Variants in HAPLN3 observed in about 807,000 individuals in gnomAD.
HAPLN3 encodes the protein extracellular link domain containing, 1.
A neutral mutation model predicts 28.1 loss-of-function variants in HAPLN3; 28 were observed. That is an observed-to-expected ratio of 1.00 (90% confidence interval 0.74 to 1.37). The LOEUF (loss-of-function observed/expected upper bound fraction) is 1.37, where lower values mean the gene tolerates loss of function less well. Among genes scored for constraint, HAPLN3 ranks in the 40% most tolerant of loss-of-function variants. The pLI, the probability that HAPLN3 is intolerant of heterozygous loss-of-function variation, is 0.00. For synonymous variants in HAPLN3, 211 were observed against 213.1 expected (o/e 0.99, Z 0.09); for missense variants, 513 against 504.6 (o/e 1.02, Z -0.16).
At position 88,879,559 on chromosome 15, in the gene HAPLN3, C is replaced by T; in HGVS notation, c.494-290G>A. ...CCTAATCCGCAAGGCTGTCGCCAGACCCCCAGTGAGGCTGTGCCATCTTCT... is the reference window on the plus strand; with the variant it reads ...CCTAATCCGCAAGGCTGTCGCCAGATCCCCAGTGAGGCTGTGCCATCTTCT... On this transcript the variant is annotated intron_variant, in intron 3 of 4. Transcript: ENST00000359595. This position sits in a 1 kb window ranked among gnomAD's most constrained non-coding sequence, Gnocchi z 5.0. 7.2e-7 allele frequency: 1 copy of T among 1,398,078 alleles called. No homozygotes were observed. Among genetic ancestry groups the T allele is most frequent in the Non-Finnish European group, 9.5e-7 (1 of 1,058,190 alleles). 86.6% of individuals were successfully genotyped at this position (1,398,078 alleles called of 1,614,324 possible).
rs1897655386 is a variant in HAPLN3 at position 88,880,055 on chromosome 15, A to T, written c.494-786T>A. On this transcript the variant is annotated intron_variant, in intron 3 of 4. Transcript: ENST00000359595. This position sits in a 1 kb window ranked among gnomAD's most constrained non-coding sequence, Gnocchi z 6.0. The stretch of plus-strand genomic sequence containing the variant: ...GAACAGCCTGAGCCCCAAACCTCCG[A>T]TCTCACCAGGGCCGGAAGCCAGGCA... 2 of 994,096 alleles carry T rather than the reference A, an allele frequency of 2.0e-6. No homozygotes were observed. Among genetic ancestry groups the T allele is most frequent in the Non-Finnish European group, 2.4e-6 (2 of 835,422 alleles). 61.6% of individuals were successfully genotyped at this position (994,096 alleles called of 1,614,324 possible).
At chr15:88,882,537 A>C (rs555404771) in intron 2 of HAPLN3, among the ~76,000 whole-genome samples, 1 of 152,316 alleles carries the variant, frequency 6.6e-6, no homozygotes, top group East Asian at 1.9e-4. Context: ...AGAACTTCTA[A>C]AGGAGACTAC....
At chr15:88,882,768 CCAGGA>C (rs1478595523) in intron 2 of HAPLN3, among the ~76,000 whole-genome samples, 2 of 152,122 alleles carry the variant, frequency 1.3e-5, no homozygotes, top group Non-Finnish European at 2.9e-5. Context: ...CTTTGAGAGG[CCAGGA>C]CAGGAGGATC....
rs1897672917 is a variant in HAPLN3, at chr15:88,880,707, GT to G, written c.493+649del. On this transcript the variant is annotated intron_variant, in intron 3 of 4. Coordinates refer to ENST00000359595, the MANE Select transcript of HAPLN3 (RefSeq NM_178232.4). This position sits in a 1 kb window ranked among gnomAD's most constrained non-coding sequence, Gnocchi z 6.0. ...GTGTGGCTGGTTTGGACAGCACTGGGTTTTTGTTTTTGGTTTTGGGGGGGCT... is the reference window on the plus strand; with the variant it reads ...GTGTGGCTGGTTTGGACAGCACTGGGTTTTGTTTTTGGTTTTGGGGGGGCT... 13 of 631,520 alleles carry G rather than the reference GT, an allele frequency of 2.1e-5. No individual in the cohort carries two copies. The highest frequency in any genetic ancestry group is 2.7e-5 in the Non-Finnish European group (12 of 450,726). 39.1% of individuals were successfully genotyped at this position (631,520 alleles called of 1,614,324 possible). A position where few individuals can be genotyped will look rare whatever the true frequency, so the allele number is the denominator to read the frequency against.
intron 2 of HAPLN3, among the ~76,000 whole-genome samples, chr15:88,886,369 G>T (rs1439321034): frequency 6.9e-6 from 1 of 143,942 alleles, no homozygotes; most frequent in African/African-American, 2.7e-5. Context: ...AAAAAAAAAG[G>T]TATATTTTCA....
intron 2 of HAPLN3, among the ~76,000 whole-genome samples, chr15:88,886,520 T>A (rs1369451478): frequency 6.6e-6 from 1 of 151,546 alleles, no homozygotes; most frequent in Non-Finnish European, 1.5e-5. Context: ...TAGTAAGAGG[T>A]AGAATTATAA....
Position 88,888,368 on chromosome 15 carries a change from G to A in HAPLN3, c.-47-1023C>T, listed in dbSNP as rs1897923780. Among the ~76,000 whole-genome samples the A allele has an allele frequency of 1.3e-5, 2 of 152,252 alleles. No homozygotes were observed. The highest frequency in any genetic ancestry group is 4.1e-4 in the South Asian group (2 of 4,824). On this transcript the variant is annotated intron_variant, in intron 1 of 4. Transcript: ENST00000359595. The surrounding 1 kb of genome is among the most constrained non-coding windows in gnomAD (Gnocchi z 4.1). ...GGCCTCCCAAAGTGCTGAGATTACA[G>A]GCATAAGCCACTGCGCCCAACTCAA... is the stretch of plus-strand genomic sequence containing the variant.
Position 88,879,121 on chromosome 15 carries a change from C to CAG in HAPLN3, c.641_642insCT (p.Gly215TrpfsTer64). 1 of 1,613,324 alleles carries CAG rather than the reference C, an allele frequency of 6.2e-7. No homozygotes were observed. The highest frequency in any genetic ancestry group is 8.5e-7 in the Non-Finnish European group (1 of 1,179,778). ...GCACCGTGGCATCCTGCAGCCAGCCCGCGTTGCACCAGTCCAGGCCCTCCT... is the reference window on the plus strand; with the variant it reads ...GCACCGTGGCATCCTGCAGCCAGCCCAGGCGTTGCACCAGTCCAGGCCCTCCT... On this transcript the variant is annotated frameshift_variant, in exon 4 of 5. Transcript: ENST00000359595. LOFTEE classifies it high-confidence loss of function. This position sits in a 1 kb window ranked among gnomAD's most constrained non-coding sequence, Gnocchi z 5.0.
chr15:88,886,001 G>A (rs1459377021), intron 2 of HAPLN3, among the ~76,000 whole-genome samples: 1 of 152,178 alleles, frequency 6.6e-6, no homozygotes, highest in Non-Finnish European at 1.5e-5. Context: ...AGGCTGTGAG[G>A]GCAGACAGCA....
In HAPLN3 at chr15:88,881,864, C is replaced by T. The variant is rs1374980831; in HGVS notation, c.125-139G>A. ...CACCATGCTCCACCCCTCCCTGTAT[C>T]CACATGCTCTGCAATGTGACTTTGC... On this transcript the variant is annotated intron_variant, in intron 2 of 4. Transcript: ENST00000359595. The surrounding 1 kb of genome is among the most constrained non-coding windows in gnomAD (Gnocchi z 6.0). 1 of 776,620 alleles carries T rather than the reference C, an allele frequency of 1.3e-6. No individual in the cohort carries two copies. Among genetic ancestry groups the T allele is most frequent in the African/African-American group, 1.7e-5 (1 of 57,252 alleles). 48.1% of individuals were successfully genotyped at this position (776,620 alleles called of 1,614,324 possible).
intron 1 of HAPLN3, among the ~76,000 whole-genome samples, chr15:88,894,927 C>T (rs558738923): frequency 1.3e-3 from 205 of 152,326 alleles, no homozygotes; most frequent in Admixed American, 3.3e-3. Context: ...CCATAGGCAT[C>T]AGTTGCCTTT....
chr15:88,877,868 A>G lies in HAPLN3; in HGVS notation c.*102T>C. 8.8e-7 allele frequency: 1 copy of G among 1,135,456 alleles called. No individual in the cohort carries two copies. Among genetic ancestry groups the G allele is most frequent in the Non-Finnish European group, 1.2e-6 (1 of 818,348 alleles). 70.3% of individuals were successfully genotyped at this position (1,135,456 alleles called of 1,614,324 possible). On this transcript the variant is annotated 3_prime_UTR_variant, in exon 5 of 5. Transcript: ENST00000359595. The surrounding 1 kb of genome is among the most constrained non-coding windows in gnomAD (Gnocchi z 5.1). ...ATGTTTAAAGAAAATTTAAATTGAG[A>G]AGTATAAAAACAGTTAAAATGGCTC...
intron 1 of HAPLN3, among the ~76,000 whole-genome samples, chr15:88,892,088 G>A (rs1464754904): frequency 6.6e-6 from 1 of 152,178 alleles, no homozygotes; most frequent in Non-Finnish European, 1.5e-5. Flanking sequence ...GCCACTAAGT[G>A]ACATCAGTAA....
chr15:88,884,776 C>T (rs1464416416), intron 2 of HAPLN3, among the ~76,000 whole-genome samples: 1 of 151,900 alleles, frequency 6.6e-6, no homozygotes, highest in East Asian at 1.9e-4. Context: ...TGCGCAAGTA[C>T]CTGTTTAGAG....
rs193208670 is a variant in HAPLN3 at position 88,890,392 on chromosome 15, T to C, written c.-47-3047A>G. 3.4e-3 allele frequency among the ~76,000 whole-genome samples: 525 copies of C among 152,314 alleles called. 23 individuals are homozygous for C. The South Asian group carries it at 0.088, about 25-fold the overall frequency. On this transcript the variant is annotated intron_variant, in intron 1 of 4. Coordinates refer to ENST00000359595, the MANE Select transcript of HAPLN3 (RefSeq NM_178232.4). ...GCCTAAGCACAATGGGGCAACCTGG[T>C]ACAGAGTTTGGGAACTGGAAGATCA...
In HAPLN3 at chr15:88,881,461, G is replaced by A. The variant is rs199664746; in HGVS notation, c.389C>T (p.Ser130Leu). 18 of 1,614,054 alleles carry A rather than the reference G, an allele frequency of 1.1e-5. No individual in the cohort carries two copies. Among genetic ancestry groups the A allele is most frequent in the African/African-American group, 8.0e-5 (6 of 75,056 alleles). Residue 130 changes from serine to leucine, a missense_variant, in exon 3 of 5, where the codon TCG becomes TTG. Ser to Leu is a moderately radical substitution (Grantham distance 145). Coordinates refer to ENST00000359595, the MANE Select transcript of HAPLN3 (RefSeq NM_178232.4). This position sits in a 1 kb window ranked among gnomAD's most constrained non-coding sequence, Gnocchi z 6.0. ...HLRQDKEHDV[S>L]LEIQDLRLED... ...CAGCCGCAGATCCTGGATCTCCAGCGAGACGTCATGCTCTTTGTCCTGCCG... is the reference window on the plus strand; with the variant it reads ...CAGCCGCAGATCCTGGATCTCCAGCAAGACGTCATGCTCTTTGTCCTGCCG...
rs780289501 is a variant in HAPLN3 at position 88,878,999 on chromosome 15, T to TA, written c.763dup (p.Tyr255LeufsTer2). 2.5e-6 allele frequency: 4 copies of TA among 1,610,666 alleles called. No homozygotes were observed. The Admixed American group carries it at 6.7e-5, about 27-fold the overall frequency. The stretch of plus-strand genomic sequence containing the variant: ...GGCAGTAGCGAAGCAGAATACATCA[T>TA]AGCGGTGCAGGCGGCGGTGGCGGGG... On this transcript the variant is annotated frameshift_variant, in exon 4 of 5. Transcript: ENST00000359595. LOFTEE classifies it low-confidence loss of function (END_TRUNC).
chr15:88,880,356 G>A lies in HAPLN3; in HGVS notation c.493+1001C>T, dbSNP rs1897663617. 8.9e-7 allele frequency: 1 copy of A among 1,121,762 alleles called. No individual in the cohort carries two copies. The highest frequency in any genetic ancestry group is 1.1e-6 in the Non-Finnish European group (1 of 905,962). 69.5% of individuals were successfully genotyped at this position (1,121,762 alleles called of 1,614,324 possible). A position where few individuals can be genotyped will look rare whatever the true frequency, so the allele number is the denominator to read the frequency against. On this transcript the variant is annotated intron_variant, in intron 3 of 4. Transcript: ENST00000359595. This position sits in a 1 kb window ranked among gnomAD's most constrained non-coding sequence, Gnocchi z 6.0. ...CCCTCTGAGCCACCATGTAAGCCAT[G>A]TGGACACTGGTGGCAAAGACAGAGA...
In HAPLN3 at chr15:88,879,648, C is replaced by G; in HGVS notation, c.494-379G>C. ...TGACTCCCAGCTCCCCACTCGTTAG[C>G]TGGGACCCGATCGTCTACGTTATTA... On this transcript the variant is annotated intron_variant, in intron 3 of 4. Coordinates refer to ENST00000359595, the MANE Select transcript of HAPLN3 (RefSeq NM_178232.4). The surrounding 1 kb of genome is among the most constrained non-coding windows in gnomAD (Gnocchi z 5.0). 8.1e-7 allele frequency: 1 copy of G among 1,228,562 alleles called. No individual in the cohort carries two copies. Among genetic ancestry groups the G allele is most frequent in the Non-Finnish European group, 1.0e-6 (1 of 965,728 alleles). 76.1% of individuals were successfully genotyped at this position (1,228,562 alleles called of 1,614,324 possible). A position where few individuals can be genotyped will look rare whatever the true frequency, so the allele number is the denominator to read the frequency against.
Sources: gnomAD v4.1 joint callset for allele counts (sites outside exome capture counted in the v4.1 genomes callset) on GRCh38, gnomAD v4.1.1 for gene constraint, Gnocchi (gnomAD v3.1) non-coding constraint, MANE v1.5 for transcripts, NCBI Gene and HGNC (gene_info 2026-07-23, HGNC 2026-07-21) for gene names.